OPCML: variants seen among roughly 807,000 people sequenced by gnomAD.
OPCML encodes the protein opioid binding protein/cell adhesion molecule like, also known as opioid-binding protein/cell adhesion molecule.
Under a neutral mutation model 37.8 loss-of-function variants are expected in OPCML, and 13 were observed. The observed-to-expected ratio is 0.34, with a 90% CI of 0.22 to 0.55. OPCML has a LOEUF of 0.55. Ranked by LOEUF, OPCML falls within the 20% of genes least tolerant of loss-of-function variation. OPCML has a pLI of 0.91. For missense variants in OPCML, 341 were observed against 435.6 expected, an observed-to-expected ratio of 0.78 and a Z score of 1.93; for synonymous variants, 176 against 168.8, an observed-to-expected ratio of 1.04 and a Z score of -0.33.
chr11:132,828,055 C>T (rs570822747), intron 2 of OPCML, among the ~76,000 whole-genome samples: 1 of 152,216 alleles, frequency 6.6e-6, no homozygotes, highest in Admixed American at 6.5e-5. Flanking sequence ...GAATATTATT[C>T]AGTGCTAACA....
chr11:132,764,838 A>G (rs886343625), intron 2 of OPCML, among the ~76,000 whole-genome samples: 2 of 152,232 alleles, frequency 1.3e-5, no homozygotes, highest in South Asian at 4.1e-4. Flanking sequence ...ATTAAGCTCA[A>G]ATATGATCTG....
chr11:132,451,386 G>T (rs571189739), intron 4 of OPCML, among the ~76,000 whole-genome samples: 1 of 151,804 alleles, frequency 6.6e-6, no homozygotes, highest in African/African-American at 2.4e-5. Context: ...CTGGGGCGGG[G>T]GTGGGGGCGC....
At chr11:132,570,814 G>GAGAGAGAGAGAT (rs2096436562) in intron 3 of OPCML, among the ~76,000 whole-genome samples, 1 of 124,278 alleles carries the variant, frequency 8.0e-6, no homozygotes, top group Non-Finnish European at 1.7e-5. Flanking sequence ...TAGAGAGAGA[G>GAGAGAGAGAGAT]AGAGAGGATA....
intron 1 of OPCML, chr11:133,421,017 G>A (rs745530911): frequency 7.1e-6 from 7 of 985,292 alleles, no homozygotes; most frequent in Non-Finnish European, 8.4e-6. Context: ...AACTAAAATA[G>A]GAGAGAATCA....
intron 3 of OPCML, among the ~76,000 whole-genome samples, chr11:132,638,103 T>C (rs574984509): frequency 6.6e-6 from 1 of 150,400 alleles, no homozygotes; most frequent in South Asian, 2.1e-4. Context: ...TGGAGAAGCA[T>C]AGTATTAGAT....
intron 1 of OPCML, chr11:133,064,749 A>C (rs1948411914): frequency 6.6e-6 from 1 of 152,096 alleles, no homozygotes; most frequent in South Asian, 2.1e-4. Flanking sequence ...CCGCAGCCAC[A>C]CGGCCCGGCG....
intron 3 of OPCML, among the ~76,000 whole-genome samples, chr11:132,544,841 A>G (rs2096365277): frequency 6.6e-6 from 1 of 152,176 alleles, no homozygotes; most frequent in South Asian, 2.1e-4. Flanking sequence ...ACCTCCAGGC[A>G]GGTGAGGAAG....
At chr11:132,853,613 C>T (rs1029396276) in intron 2 of OPCML, among the ~76,000 whole-genome samples, 10 of 152,160 alleles carry the variant, frequency 6.6e-5, no homozygotes, top group African/African-American at 2.2e-4. Flanking sequence ...AATGATTCCC[C>T]ATCCCACAGC....
At chr11:132,485,887 T>A (rs915302662) in intron 4 of OPCML, among the ~76,000 whole-genome samples, 2 of 152,208 alleles carry the variant, frequency 1.3e-5, no homozygotes, top group African/African-American at 4.8e-5. Context: ...GATCCACTCA[T>A]TTCTCTTAAA....
intron 1 of OPCML, among the ~76,000 whole-genome samples, chr11:133,344,328 G>A (rs1943946897): frequency 1.3e-5 from 2 of 152,128 alleles, no homozygotes; most frequent in African/African-American, 4.8e-5. Context: ...TTGCGAAAAG[G>A]GTGCATTACC....
At chr11:133,108,579 A>G (rs1461489862) in intron 1 of OPCML, among the ~76,000 whole-genome samples, 1 of 151,860 alleles carries the variant, frequency 6.6e-6, no homozygotes, top group Non-Finnish European at 1.5e-5. Context: ...ACTACATTAT[A>G]CACACACACA....
intron 1 of OPCML, among the ~76,000 whole-genome samples, chr11:133,196,362 C>T (rs1265510958): frequency 1.3e-5 from 2 of 152,224 alleles, no homozygotes; most frequent in African/African-American, 4.8e-5. Flanking sequence ...TCCATGGGGA[C>T]TTCAGTGACT....
intron 1 of OPCML, among the ~76,000 whole-genome samples, chr11:133,040,708 C>T (rs12222232): frequency 0.02 from 3,097 of 151,626 alleles, 104 homozygotes; most frequent in East Asian, 0.15. Flanking sequence ...CTTGCTTGGG[C>T]GGGGCAGTGA....
In OPCML at chr11:133,481,444, AAAAT is replaced by A. The variant is rs373209430; in HGVS notation, c.61+50816_61+50819del. ...ACCATAATTCTTCTCCCCAGTTAAA[AAAAT>A]AAATAAATAAATAAATAAATAAATA... On this transcript the variant is annotated intron_variant, in intron 1 of 7. Coordinates refer to ENST00000524381, the MANE Select transcript of OPCML (RefSeq NM_001012393.5). Among the ~76,000 whole-genome samples the A allele has an allele frequency of 2.4e-3, 357 of 150,210 alleles. 1 individual carries two copies. The highest frequency in any genetic ancestry group is 0.01 in the Middle Eastern group (3 of 292).
At chr11:132,562,407 G>A (rs1034692874) in intron 3 of OPCML, among the ~76,000 whole-genome samples, 4 of 151,980 alleles carry the variant, frequency 2.6e-5, no homozygotes, top group African/African-American at 4.8e-5. Flanking sequence ...GTAGCTTCAA[G>A]TAGAGTGGCT....
rs111693294 is a variant in OPCML at position 133,334,317 on chromosome 11, A to C, written c.61+197947T>G. Among the ~76,000 whole-genome samples, 9 of 152,370 alleles carry C rather than the reference A, an allele frequency of 5.9e-5. No homozygotes were observed. In the South Asian group the frequency reaches 1.9e-3, roughly 32 times the overall value. On this transcript the variant is annotated intron_variant, in intron 1 of 7. Coordinates refer to ENST00000524381, the MANE Select transcript of OPCML (RefSeq NM_001012393.5). ...CCATGGAATATTATGCAGCAGTGAAAAAAAAGAACAAGATCATGTCTTTTG... is the reference window on the plus strand; with the variant it reads ...CCATGGAATATTATGCAGCAGTGAACAAAAAGAACAAGATCATGTCTTTTG...
chr11:133,208,134 C>A lies in OPCML; in HGVS notation c.62-265124G>T, dbSNP rs1248627352. On this transcript the variant is annotated intron_variant, in intron 1 of 7. Coordinates refer to ENST00000524381, the MANE Select transcript of OPCML (RefSeq NM_001012393.5). The surrounding 1 kb of genome is among the most constrained non-coding windows in gnomAD (Gnocchi z 8.9). Reference sequence around the variant, plus strand: ...TGATTTATTGTAATAGCTTATTTAGCTGTTGGTCTTCCTTACTGTATTATA... The same window carrying A: ...TGATTTATTGTAATAGCTTATTTAGATGTTGGTCTTCCTTACTGTATTATA... Among the ~76,000 whole-genome samples, 1 of 152,168 alleles carries A rather than the reference C, an allele frequency of 6.6e-6. No homozygotes were observed. Among genetic ancestry groups the A allele is most frequent in the Non-Finnish European group, 1.5e-5 (1 of 68,034 alleles).
At chr11:133,100,546 A>G (rs187958621) in intron 1 of OPCML, among the ~76,000 whole-genome samples, 1 of 152,356 alleles carries the variant, frequency 6.6e-6, no homozygotes, top group East Asian at 1.9e-4. Flanking sequence ...TGGAGGACTG[A>G]CACTACCTGA....
At chr11:133,294,312 G>A (rs1037850003) in intron 1 of OPCML, among the ~76,000 whole-genome samples, 2 of 152,150 alleles carry the variant, frequency 1.3e-5, no homozygotes, top group African/African-American at 4.8e-5. Flanking sequence ...TGGTGCTTGA[G>A]ATCAGGGGCT....
Sources: allele counts gnomAD v4.1 joint callset (sites outside exome capture counted in the v4.1 genomes callset), GRCh38; gene constraint gnomAD v4.1.1; non-coding constraint Gnocchi (gnomAD v3.1); transcripts MANE v1.5; gene names NCBI Gene and HGNC (gene_info 2026-07-23, HGNC 2026-07-21).